The following GRM5 variants were observed in gnomAD, a reference collection of about 807,000 sequenced individuals.
GRM5 encodes metabotropic glutamate receptor 5.
Under a neutral mutation model 83.1 loss-of-function variants are expected in GRM5, and 19 were observed. That is an observed-to-expected ratio of 0.23 (90% CI 0.16 to 0.34). The LOEUF (loss-of-function observed/expected upper bound fraction) is 0.34. Among genes scored for constraint, GRM5 ranks in the 10% least tolerant of loss-of-function variants. GRM5 has a pLI of 1.00. For synonymous variants in GRM5, 675 were observed against 633.6 expected (o/e 1.07, Z -0.98); for missense variants, 1,160 against 1,588.3 (o/e 0.73, Z 4.58).
At chr11:88,884,319 G>T (rs1945007185) in intron 2 of GRM5, among the ~76,000 whole-genome samples, 1 of 152,160 alleles carries the variant, frequency 6.6e-6, no homozygotes, top group African/African-American at 2.4e-5. Flanking sequence ...GGACTTGCAT[G>T]GAGCCTGAAG....
chr11:88,852,172 C>G (rs1424501928), intron 2 of GRM5, among the ~76,000 whole-genome samples: 1 of 152,234 alleles, frequency 6.6e-6, no homozygotes, highest in East Asian at 1.9e-4. Context: ...GAAAAGACAT[C>G]TAAAAAATTC....
At chr11:88,560,028 A>T (rs189104329) in intron 8 of GRM5, among the ~76,000 whole-genome samples, 1 of 152,088 alleles carries the variant, frequency 6.6e-6, no homozygotes, top group African/African-American at 2.4e-5. Context: ...GGTGTATTTC[A>T]TACCAAAGTA....
chr11:89,022,538 G>T (rs2135110756), intron 2 of GRM5, among the ~76,000 whole-genome samples: 1 of 151,438 alleles, frequency 6.6e-6, no homozygotes, highest in East Asian at 1.9e-4. Context: ...TGTAATCCCA[G>T]CTACTCAGGA....
intron 3 of GRM5, among the ~76,000 whole-genome samples, chr11:88,810,675 G>A (rs2135496929): frequency 6.6e-6 from 1 of 152,190 alleles, no homozygotes; most frequent in South Asian, 2.1e-4. Context: ...AGCTGTATTT[G>A]TGTCAGTCAT....
At chr11:88,655,073 C>A (rs1939732829) in intron 3 of GRM5, among the ~76,000 whole-genome samples, 2 of 151,984 alleles carry the variant, frequency 1.3e-5, no homozygotes, top group Non-Finnish European at 2.9e-5. Flanking sequence ...CTAAGTCCTC[C>A]ATGACAAAAA....
intron 3 of GRM5, among the ~76,000 whole-genome samples, chr11:88,659,948 A>C (rs1163759611): frequency 6.6e-6 from 1 of 152,226 alleles, no homozygotes; most frequent in Non-Finnish European, 1.5e-5. Context: ...AAACAGAAAA[A>C]TACATGTAGC....
At chr11:88,717,413 C>T (rs1039682915) in intron 3 of GRM5, among the ~76,000 whole-genome samples, 2 of 151,654 alleles carry the variant, frequency 1.3e-5, no homozygotes, top group African/African-American at 2.4e-5. Flanking sequence ...AAATGCTTTC[C>T]ATATTTTATT....
intron 2 of GRM5, among the ~76,000 whole-genome samples, chr11:89,035,415 A>C (rs1359591061): frequency 6.6e-6 from 1 of 151,950 alleles, no homozygotes; most frequent in Non-Finnish European, 1.5e-5. Context: ...TATTAGGGAA[A>C]GTCAAGGATT....
At chr11:88,966,574 T>C (rs774548077) in intron 2 of GRM5, among the ~76,000 whole-genome samples, 2 of 152,112 alleles carry the variant, frequency 1.3e-5, no homozygotes, top group African/African-American at 2.4e-5. Context: ...ATCCACAAAT[T>C]TGACAAGTCA....
rs957810297 is a variant in GRM5 at position 88,566,518 on chromosome 11, C to T, written c.2630+535G>A. ...CTTAGACATCTCCTAAAGATTTCAT[C>T]TTGCCCATTAAGAACTAAAATATAA... On this transcript the variant is annotated intron_variant, in intron 8 of 9. Coordinates refer to ENST00000305447, the MANE Select transcript of GRM5 (RefSeq NM_001143831.3). 2.0e-5 allele frequency among the ~76,000 whole-genome samples: 3 copies of T among 152,160 alleles called. 1 individual carries two copies. Among genetic ancestry groups the T allele is most frequent in the African/African-American group, 4.8e-5 (2 of 41,440 alleles).
At chr11:89,059,330 ATT>A (rs1257529954) in intron 1 of GRM5, among the ~76,000 whole-genome samples, 1 of 152,304 alleles carries the variant, frequency 6.6e-6, no homozygotes, top group South Asian at 2.1e-4. Context: ...ATTACGTATT[ATT>A]TTGATTTCTG....
intron 2 of GRM5, among the ~76,000 whole-genome samples, chr11:88,988,290 C>G (rs7117646): frequency 7.3e-5 from 11 of 150,992 alleles, no homozygotes; most frequent in South Asian, 2.1e-4. Context: ...TGAAATGAAG[C>G]GAGAAGGGAA....
At chr11:88,925,548 A>C (rs1945774850) in intron 2 of GRM5, among the ~76,000 whole-genome samples, 1 of 152,166 alleles carries the variant, frequency 6.6e-6, no homozygotes, top group Non-Finnish European at 1.5e-5. Flanking sequence ...TTACTGAGTC[A>C]ATTGTAATGT....
intron 2 of GRM5, among the ~76,000 whole-genome samples, chr11:88,906,513 C>A (rs1049482984): frequency 6.6e-6 from 1 of 152,028 alleles, no homozygotes; most frequent in African/African-American, 2.4e-5. Context: ...TGTCTGTTTT[C>A]ATTTGTTTCA....
chr11:88,567,249 C>G lies in GRM5; in HGVS notation c.2434G>C (p.Val812Leu). ...MCFSVSLSATVALGCMFVPKV... is the reference protein window; with the variant it reads ...MCFSVSLSATLALGCMFVPKV... Reference sequence around the variant, plus strand: ...GGCACAAACATGCAGCCTAGGGCCACTGTGGCACTGAGGCTGACCGAGAAA... The same window carrying G: ...GGCACAAACATGCAGCCTAGGGCCAGTGTGGCACTGAGGCTGACCGAGAAA... Residue 812 changes from valine to leucine, a missense_variant, in exon 8 of 10, where the codon GTG (valine) becomes CTG (leucine). Physicochemically the swap from Val to Leu is conservative, Grantham distance 32 (BLOSUM62 1). Around this residue, in one of 9 missense-constraint regions of GRM5, gnomAD observed 66 missense variants for 138.6 expected, o/e 0.48. Transcript: ENST00000305447. This position sits in a 1 kb window ranked among gnomAD's most constrained non-coding sequence, Gnocchi z 7.3. 6.2e-7 allele frequency: 1 copy of G among 1,614,054 alleles called. No individual in the cohort carries two copies. The highest frequency in any genetic ancestry group is 8.5e-7 in the Non-Finnish European group (1 of 1,179,914).
At chr11:88,561,097 G>A (rs1813654825) in intron 8 of GRM5, among the ~76,000 whole-genome samples, 1 of 152,116 alleles carries the variant, frequency 6.6e-6, no homozygotes. Flanking sequence ...ACTTCATGCA[G>A]ACTAATAATG....
chr11:88,631,095 G>C (rs1235763797), intron 4 of GRM5, among the ~76,000 whole-genome samples: 1 of 152,130 alleles, frequency 6.6e-6, no homozygotes, highest in Non-Finnish European at 1.5e-5. Context: ...AACCATGAGG[G>C]CTGTGGCAAA....
intron 3 of GRM5, among the ~76,000 whole-genome samples, chr11:88,764,897 A>G (rs1332505101): frequency 1.3e-5 from 2 of 151,662 alleles, no homozygotes; most frequent in African/African-American, 2.4e-5. Context: ...AAGATTATAG[A>G]GAAAATCAAT....
intron 2 of GRM5, among the ~76,000 whole-genome samples, chr11:88,905,043 T>C (rs1330458294): frequency 6.6e-6 from 1 of 152,194 alleles, no homozygotes; most frequent in Admixed American, 6.6e-5. Flanking sequence ...GGGGCATGAA[T>C]GTGTCATACA....
Sources: gnomAD v4.1 joint callset for allele counts (sites outside exome capture counted in the v4.1 genomes callset) on GRCh38, gnomAD v4.1.1 for gene constraint, gnomAD v4.1.1 regional missense constraint, Gnocchi (gnomAD v3.1) non-coding constraint, MANE v1.5 for transcripts, NCBI Gene and HGNC (gene_info 2026-07-23, HGNC 2026-07-21) for gene names.